The following A4GNT variants were observed in gnomAD, a reference collection of about 807,000 sequenced individuals.
The protein encoded by A4GNT is alpha-1,4-N-acetylglucosaminyltransferase.
A neutral mutation model predicts 8.3 loss-of-function variants in A4GNT; 6 were observed. That is an observed-to-expected ratio of 0.72 (90% CI 0.39 to 1.42). The LOEUF is 1.42. Among genes scored for constraint, A4GNT ranks in the 40% most tolerant of loss-of-function variants. The probability of loss-of-function intolerance (pLI) is 0.02; values close to 1 mark genes in which losing one functional copy is unlikely to be tolerated. For missense variants in A4GNT, 377 were observed against 417.0 expected, an observed-to-expected ratio of 0.90 and a Z score of 0.84; for synonymous variants, 157 against 159.8, an observed-to-expected ratio of 0.98 and a Z score of 0.13.
chr3:138,129,101 C>T (rs1451109371), intron 2 of A4GNT, among the ~76,000 whole-genome samples: 2 of 152,072 alleles, frequency 1.3e-5, no homozygotes, highest in Non-Finnish European at 2.9e-5. Flanking sequence ...CAGCTGACAG[C>T]AACTAGGTAC....
At chr3:138,131,844 C>T (rs989591776) in intron 1 of A4GNT, among the ~76,000 whole-genome samples, 1 of 152,026 alleles carries the variant, frequency 6.6e-6, no homozygotes, top group African/African-American at 2.4e-5. Flanking sequence ...ACAATGTCTA[C>T]CAGAACATAT....
In A4GNT at chr3:138,130,898, T is replaced by C. The variant is rs955812003; in HGVS notation, c.359A>G (p.Asp120Gly). ...TGTGTCTTCAAGCAGCCTTTTCATA[T>C]CCAAAGGGAAGAGGAAAACGTTGTC... ...AIDNVFLFPL[D>G]MKRLLEDTPL... Residue 120 changes from aspartate to glycine, a missense_variant, in exon 2 of 3, where the codon GAT becomes GGT. Physicochemically the swap from Asp to Gly is moderately conservative, Grantham distance 94. Coordinates refer to ENST00000236709, the MANE Select transcript of A4GNT (RefSeq NM_016161.3). 3 of 1,614,092 alleles carry C rather than the reference T, an allele frequency of 1.9e-6. No individual in the cohort carries two copies. The highest frequency in any genetic ancestry group is 1.1e-5 in the South Asian group (1 of 91,078).
chr3:138,128,031 A>G (rs993917652), intron 2 of A4GNT, among the ~76,000 whole-genome samples: 6 of 152,208 alleles, frequency 3.9e-5, no homozygotes, highest in Non-Finnish European at 8.8e-5. Flanking sequence ...CATCAGTGCC[A>G]AGAGATTATT....
chr3:138,126,151 C>A (rs2042743672), intron 2 of A4GNT, among the ~76,000 whole-genome samples: 1 of 151,790 alleles, frequency 6.6e-6, no homozygotes, highest in Non-Finnish European at 1.5e-5. Context: ...GATGATGGTG[C>A]TAACAGTGGG....
chr3:138,127,595 C>T (rs1001104531), intron 2 of A4GNT, among the ~76,000 whole-genome samples: 4 of 150,652 alleles, frequency 2.7e-5, no homozygotes, highest in Non-Finnish European at 4.4e-5. Flanking sequence ...AAACAAAAAA[C>T]ATAAGCGCTC....
intron 2 of A4GNT, among the ~76,000 whole-genome samples, chr3:138,126,481 A>C (rs2042745135): frequency 8.4e-6 from 1 of 118,790 alleles, no homozygotes; most frequent in African/African-American, 3.0e-5. Context: ...TATCGAGTCA[A>C]ATGAAAGCAG....
chr3:138,131,345 G>T (rs1309391008), intron 1 of A4GNT, 63 bp from the exon 2 acceptor site: 3 of 1,270,372 alleles, frequency 2.4e-6, no homozygotes, highest in Non-Finnish European at 2.1e-6. Flanking sequence ...TAGCACACAA[G>T]AAAATGATAC....
At chr3:138,128,945 A>C (rs2042761468) in intron 2 of A4GNT, among the ~76,000 whole-genome samples, 1 of 152,122 alleles carries the variant, frequency 6.6e-6, no homozygotes, top group African/African-American at 2.4e-5. Flanking sequence ...GTTTCTTCAG[A>C]AGGAGAGATA....
At chr3:138,129,805 GT>G (rs1251365218) in intron 2 of A4GNT, among the ~76,000 whole-genome samples, 1 of 152,162 alleles carries the variant, frequency 6.6e-6, no homozygotes, top group African/African-American at 2.4e-5. Flanking sequence ...TTGCTTGTGT[GT>G]TTGTTTGAGA....
At chr3:138,125,013 G>T in intron 2 of A4GNT, 135 bp from the exon 3 acceptor site, 1 of 1,188,278 alleles carries the variant, frequency 8.4e-7, no homozygotes, top group Non-Finnish European at 1.1e-6. Context: ...GCCACAGCCC[G>T]ATTTTGCAAG....
At chr3:138,126,946 A>G (rs2042748726) in intron 2 of A4GNT, among the ~76,000 whole-genome samples, 1 of 151,450 alleles carries the variant, frequency 6.6e-6, no homozygotes, top group Non-Finnish European at 1.5e-5. Context: ...CCTGGCCAAC[A>G]TAGTGAAACC....
rs775254688 is a variant in A4GNT, at chr3:138,130,870, T to C, written c.387A>G (p.Pro129=). Residue 129 remains proline, a synonymous_variant, in exon 2 of 3, where the codon CCA becomes CCG. Transcript: ENST00000236709. ...TTACTTGATTGTACCATGAAAACAA[T>C]GGTGTGTCTTCAAGCAGCCTTTTCA... ...LDMKRLLEDT[P]LFSWYNQINA... The C allele has an allele frequency of 3.4e-5, 55 of 1,613,928 alleles. No individual in the cohort carries two copies. The highest frequency in any genetic ancestry group is 4.1e-5 in the Non-Finnish European group (48 of 1,180,006).
chr3:138,125,147 T>G (rs1329413462), intron 2 of A4GNT, among the ~76,000 whole-genome samples: 2 of 152,188 alleles, frequency 1.3e-5, no homozygotes, highest in African/African-American at 4.8e-5. Context: ...AAAAAAACAT[T>G]AAAGCATTGG....
rs2042772920 is a variant in A4GNT at position 138,130,978 on chromosome 3, G to A, written c.279C>T (p.Ser93=). ...VVFFMKGLTD[S]TPMPSNSTYP... ...ATGTGGAGTTTGAGGGCATCGGTGT[G>A]GAATCAGTAAGACCCTTCATAAAGA... Residue 93 remains serine, a synonymous_variant, in exon 2 of 3, where the codon TCC becomes TCT. Coordinates refer to ENST00000236709, the MANE Select transcript of A4GNT (RefSeq NM_016161.3). The A allele has an allele frequency of 3.7e-6, 6 of 1,614,110 alleles. No homozygotes were observed. The highest frequency in any genetic ancestry group is 1.3e-5 in the African/African-American group (1 of 75,016).
rs1564496 is a variant in A4GNT at position 138,124,176 on chromosome 3, G to T, written c.*88C>A. 3.3e-6 allele frequency: 5 copies of T among 1,512,898 alleles called. No individual in the cohort carries two copies. Among genetic ancestry groups the T allele is most frequent in the Admixed American group, 2.1e-5 (1 of 48,100 alleles). The allele number at this position is 1,512,898 out of a possible 1,614,324, so 93.7% of individuals were successfully genotyped here. On this transcript the variant is annotated 3_prime_UTR_variant, in exon 3 of 3. Transcript: ENST00000236709. Reference sequence around the variant, plus strand: ...TGAGAGGCAACCCTCTGCCCACCCCGCCAAGAGACAGTGGAGATCAAGTGA... The same window carrying T: ...TGAGAGGCAACCCTCTGCCCACCCCTCCAAGAGACAGTGGAGATCAAGTGA...
Position 138,124,517 on chromosome 3 carries a change from G to A in A4GNT, c.770C>T (p.Pro257Leu), listed in dbSNP as rs762168578. The change falls in exon 3 of 3, where the codon CCC (proline) becomes CTC (leucine). Residue 257 changes from proline (P) to leucine (L), a missense_variant. Transcript: ENST00000236709. ...ATAGGAGATGGGGTAAAATCTTTGG[G>A]GGTGTAAGAAGGATATGTTCAGACA... The part of the protein sequence containing the change: ...LRCLNISFLH[P>L]QRFYPISYRE... 2.5e-6 allele frequency: 4 copies of A among 1,614,184 alleles called. No homozygotes were observed. Among genetic ancestry groups the A allele is most frequent in the South Asian group, 1.1e-5 (1 of 91,090 alleles).
intron 2 of A4GNT, among the ~76,000 whole-genome samples, chr3:138,128,217 T>A (rs1576522747): frequency 1.3e-5 from 2 of 152,324 alleles, no homozygotes; most frequent in African/African-American, 4.8e-5. Context: ...AATTACAGAT[T>A]TTTTTCAAGG....
chr3:138,127,247 A>G (rs997319647), intron 2 of A4GNT, among the ~76,000 whole-genome samples: 3 of 151,960 alleles, frequency 2.0e-5, no homozygotes, highest in Admixed American at 1.3e-4. Flanking sequence ...CCTCAAAAAT[A>G]GGTACTATGA....
chr3:138,130,005 C>T (rs1006252392), intron 2 of A4GNT, among the ~76,000 whole-genome samples: 6 of 151,364 alleles, frequency 4.0e-5, no homozygotes, highest in African/African-American at 1.2e-4. Flanking sequence ...AAAATCAACA[C>T]ATTCTCATCA....
Sources: allele counts gnomAD v4.1 joint callset (sites outside exome capture counted in the v4.1 genomes callset), GRCh38; gene constraint gnomAD v4.1.1; transcripts MANE v1.5; gene names NCBI Gene and HGNC (gene_info 2026-07-23, HGNC 2026-07-21).